PACRG: variants seen among roughly 807,000 people sequenced by gnomAD.
PACRG encodes the protein parkin coregulated.
A neutral mutation model predicts 29.7 loss-of-function variants in PACRG; 29 were observed. That is an observed-to-expected ratio of 0.98 (90% CI 0.73 to 1.33). The LOEUF (loss-of-function observed/expected upper bound fraction) is 1.33. PACRG is among the 40% of genes most tolerant of loss of function. The probability of loss-of-function intolerance (pLI) is 0.00; values close to 1 mark genes in which losing one functional copy is unlikely to be tolerated. For synonymous variants in PACRG, 116 were observed against 118.7 expected (o/e 0.98, Z 0.15); for missense variants, 279 against 316.2 (o/e 0.88, Z 0.89).
At chr6:163,211,545 G>A (rs1306637742) in intron 4 of PACRG, among the ~76,000 whole-genome samples, 1 of 152,090 alleles carries the variant, frequency 6.6e-6, no homozygotes, top group Non-Finnish European at 1.5e-5. Flanking sequence ...ATATATCTAT[G>A]TAATGGAGTT....
chr6:162,738,275 C>T (rs1326914800), intron 1 of PACRG, among the ~76,000 whole-genome samples: 3 of 152,108 alleles, frequency 2.0e-5, no homozygotes, highest in African/African-American at 7.2e-5. Flanking sequence ...AAGAACTGTT[C>T]TTCAGGTTAC....
chr6:163,136,085 T>G (rs561300500), intron 4 of PACRG, among the ~76,000 whole-genome samples: 1 of 152,336 alleles, frequency 6.6e-6, no homozygotes, highest in African/African-American at 2.4e-5. Context: ...TTTACAAAAA[T>G]AAGATTCTAA....
At chr6:162,912,578 T>G (rs1796380312) in intron 2 of PACRG, among the ~76,000 whole-genome samples, 1 of 150,968 alleles carries the variant, frequency 6.6e-6, no homozygotes, top group Admixed American at 6.6e-5. Flanking sequence ...TATTCTTTTT[T>G]TTTTTTTTTT....
chr6:162,844,920 G>T (rs1254692408), intron 2 of PACRG, among the ~76,000 whole-genome samples: 2 of 151,992 alleles, frequency 1.3e-5, no homozygotes, highest in African/African-American at 4.8e-5. Flanking sequence ...ATTTTTTAGG[G>T]TACTGTTTTA....
At chr6:162,986,056 A>C (rs978398692) in intron 2 of PACRG, among the ~76,000 whole-genome samples, 8 of 152,184 alleles carry the variant, frequency 5.3e-5, no homozygotes, top group African/African-American at 1.9e-4. Flanking sequence ...GCTGAAAGAA[A>C]TCATAGTTGA....
chr6:163,095,586 T>C, intron 4 of PACRG: 1 of 330,746 alleles, frequency 3.0e-6, no homozygotes, highest in Non-Finnish European at 4.3e-6. Context: ...GGAAGCCTCC[T>C]TCCTGCTGCT....
intron 2 of PACRG, among the ~76,000 whole-genome samples, chr6:162,925,151 C>T (rs934856102): frequency 4.6e-5 from 7 of 152,110 alleles, no homozygotes; most frequent in Non-Finnish European, 7.4e-5. Flanking sequence ...ATAACAAGTT[C>T]TGAAATTGAG....
intron 4 of PACRG, among the ~76,000 whole-genome samples, chr6:163,122,604 A>T (rs58858933): frequency 0.021 from 3,249 of 152,116 alleles, 101 homozygotes; most frequent in African/African-American, 0.074. Context: ...CTCCCCTTCG[A>T]CTTCCACTGT....
chr6:162,841,052 T>G (rs1342006573), intron 2 of PACRG, among the ~76,000 whole-genome samples: 1 of 123,098 alleles, frequency 8.1e-6, no homozygotes, highest in Non-Finnish European at 1.7e-5. Context: ...TGGTCTAAAA[T>G]TCTCTTTTTT....
chr6:162,730,479 A>G (rs1779677134), intron 1 of PACRG, among the ~76,000 whole-genome samples: 2 of 152,150 alleles, frequency 1.3e-5, no homozygotes, highest in African/African-American at 4.8e-5. Context: ...TCTTCCACCT[A>G]AAACATGAAG....
intron 2 of PACRG, among the ~76,000 whole-genome samples, chr6:162,858,579 C>A (rs982748136): frequency 6.6e-6 from 1 of 152,162 alleles, no homozygotes; most frequent in Non-Finnish European, 1.5e-5. Context: ...AGAAAAACAT[C>A]ACATTTATTT....
intron 4 of PACRG, among the ~76,000 whole-genome samples, chr6:163,206,129 C>A (rs1204230747): frequency 6.6e-6 from 1 of 152,126 alleles, no homozygotes; most frequent in Non-Finnish European, 1.5e-5. Flanking sequence ...TAAATTAGTT[C>A]AGCCATTGTG....
At chr6:162,899,555 A>C (rs974970875) in intron 2 of PACRG, among the ~76,000 whole-genome samples, 1 of 152,182 alleles carries the variant, frequency 6.6e-6, no homozygotes, top group Non-Finnish European at 1.5e-5. Flanking sequence ...CCGGGCAGGA[A>C]GCTGTCCTTC....
intron 2 of PACRG, among the ~76,000 whole-genome samples, chr6:163,054,314 A>C (rs927184503): frequency 3.3e-5 from 5 of 152,158 alleles, no homozygotes; most frequent in African/African-American, 1.2e-4. Context: ...ATGCACACAG[A>C]GGAAGGGCCC....
intron 2 of PACRG, among the ~76,000 whole-genome samples, chr6:162,981,907 T>A (rs796758990): frequency 0.11 from 14,014 of 133,186 alleles, 2,082 homozygotes; most frequent in African/African-American, 0.41. Flanking sequence ...GGTCCTGGAT[T>A]TTTTTTTTTT....
intron 3 of PACRG, among the ~76,000 whole-genome samples, chr6:163,081,264 A>G (rs1054143666): frequency 6.6e-6 from 1 of 152,230 alleles, no homozygotes; most frequent in Admixed American, 6.5e-5. Flanking sequence ...AACTTCAGAA[A>G]AAATAATAAA....
intron 2 of PACRG, among the ~76,000 whole-genome samples, chr6:162,943,836 G>T (rs1798806230): frequency 6.6e-6 from 1 of 152,046 alleles, no homozygotes; most frequent in South Asian, 2.1e-4. Context: ...CTGAGGACTG[G>T]CCCACCCAGC....
At chr6:163,196,528 TA>T (rs1252124947) in intron 4 of PACRG, among the ~76,000 whole-genome samples, 2 of 152,202 alleles carry the variant, frequency 1.3e-5, no homozygotes, top group Non-Finnish European at 2.9e-5. Flanking sequence ...CAACACAGTG[TA>T]AATAAATTAC....
intron 1 of PACRG, among the ~76,000 whole-genome samples, chr6:162,761,084 G>A (rs1298892686): frequency 6.6e-6 from 1 of 152,188 alleles, no homozygotes; most frequent in African/African-American, 2.4e-5. Context: ...ACAGGGCCCA[G>A]TGTCCTCATG....
Sources: gnomAD v4.1 joint callset for allele counts (sites outside exome capture counted in the v4.1 genomes callset) on GRCh38, gnomAD v4.1.1 for gene constraint, MANE v1.5 for transcripts, NCBI Gene and HGNC (gene_info 2026-07-23, HGNC 2026-07-21) for gene names.